Variants in LOC128462377 observed in about 807,000 individuals in gnomAD.
chr16:89,401,729 C>T, the LOC128462377 span, among the ~76,000 whole-genome samples: 2 of 152,154 alleles, frequency 1.3e-5, no homozygotes, highest in African/African-American at 2.4e-5. Context: ...TGGGCCCTCA[C>T]CCCACAGAAC....
the LOC128462377 span, among the ~76,000 whole-genome samples, chr16:89,389,283 C>A: frequency 6.6e-6 from 1 of 152,038 alleles, no homozygotes; most frequent in African/African-American, 2.4e-5. Flanking sequence ...CCTTGGCTTC[C>A]TACAGTGCTG....
At chr16:89,349,393 T>A in the LOC128462377 span, among the ~76,000 whole-genome samples, 30 of 151,798 alleles carry the variant, frequency 2.0e-4, no homozygotes, top group Admixed American at 7.2e-4. Context: ...GGCAGGAGAA[T>A]GGCGTGAACC....
At chr16:89,370,049 A>C in the LOC128462377 span, among the ~76,000 whole-genome samples, 1 of 152,202 alleles carries the variant, frequency 6.6e-6, no homozygotes, top group Non-Finnish European at 1.5e-5. Context: ...CGAGAACGCA[A>C]ACCTTCTGGC....
chr16:89,344,447 C>G, the LOC128462377 span, among the ~76,000 whole-genome samples: 1 of 152,212 alleles, frequency 6.6e-6, no homozygotes, highest in African/African-American at 2.4e-5. Context: ...GCTGTCCACA[C>G]ACTCCTAGAA....
chr16:89,404,452 A>C, the LOC128462377 span, among the ~76,000 whole-genome samples: 1 of 152,214 alleles, frequency 6.6e-6, no homozygotes, highest in Non-Finnish European at 1.5e-5. Context: ...CTCTGCTTTT[A>C]AAGGATTAAT....
the LOC128462377 span, among the ~76,000 whole-genome samples, chr16:89,405,802 G>A: frequency 1.3e-5 from 2 of 151,972 alleles, no homozygotes; most frequent in Non-Finnish European, 2.9e-5. Context: ...TTCCCCCAGC[G>A]CTCCTCACAA....
At chr16:89,351,041 C>T in the LOC128462377 span, among the ~76,000 whole-genome samples, 1 of 152,204 alleles carries the variant, frequency 6.6e-6, no homozygotes, top group South Asian at 2.1e-4. Flanking sequence ...ACGCATTTCT[C>T]AGGATGCATC....
chr16:89,343,953 C>G, the LOC128462377 span: 1 of 152,244 alleles, frequency 6.6e-6, no homozygotes, highest in Non-Finnish European at 1.5e-5. Flanking sequence ...ATCCACCCAC[C>G]CACACTCACG....
the LOC128462377 span, among the ~76,000 whole-genome samples, chr16:89,399,423 G>A: frequency 6.6e-6 from 1 of 152,158 alleles, no homozygotes; most frequent in African/African-American, 2.4e-5. Context: ...ACTACACGCT[G>A]TACGGTTCCG....
At chr16:89,334,294 C>A in the LOC128462377 span, among the ~76,000 whole-genome samples, 1 of 152,154 alleles carries the variant, frequency 6.6e-6, no homozygotes, top group East Asian at 1.9e-4. Flanking sequence ...GGGAGTCAAC[C>A]CCCAGTGAGT....
At chr16:89,347,607 TAAA>T in the LOC128462377 span, among the ~76,000 whole-genome samples, 2 of 127,344 alleles carry the variant, frequency 1.6e-5, no homozygotes, top group African/African-American at 3.0e-5. Flanking sequence ...CGAGACTCCG[TAAA>T]AAAAAAAAAA....
the LOC128462377 span, among the ~76,000 whole-genome samples, chr16:89,379,725 G>A: frequency 2.6e-5 from 4 of 152,236 alleles, no homozygotes; most frequent in African/African-American, 9.7e-5. Context: ...ACGGATTTGC[G>A]AAGAACGTGT....
At chr16:89,405,427 G>A in the LOC128462377 span, among the ~76,000 whole-genome samples, 8 of 151,506 alleles carry the variant, frequency 5.3e-5, 1 homozygote, top group Admixed American at 3.9e-4. Context: ...GGGCTCAGGC[G>A]ATCCTCCCAC....
At chr16:89,414,709 G>A in the LOC128462377 span, among the ~76,000 whole-genome samples, 12 of 152,166 alleles carry the variant, frequency 7.9e-5, no homozygotes, top group Non-Finnish European at 1.3e-4. Flanking sequence ...AGGCTGTCGG[G>A]GACCCTATGT....
chr16:89,389,001 C>T, the LOC128462377 span, among the ~76,000 whole-genome samples: 2 of 152,144 alleles, frequency 1.3e-5, no homozygotes, highest in South Asian at 4.1e-4. Context: ...TTCACAATGT[C>T]CAGCATCCCA....
At chr16:89,372,450 G>T in the LOC128462377 span, among the ~76,000 whole-genome samples, 25 of 152,186 alleles carry the variant, frequency 1.6e-4, no homozygotes, top group African/African-American at 5.8e-4. Context: ...GCGGCTCAGG[G>T]CACCAGCTGC....
the LOC128462377 span, among the ~76,000 whole-genome samples, chr16:89,402,681 G>T: frequency 6.7e-6 from 1 of 150,002 alleles, no homozygotes; most frequent in Admixed American, 6.7e-5. Context: ...GTGGTTCTGC[G>T]GGAGGAGGTG....
chr16:89,402,265 C>T, the LOC128462377 span, among the ~76,000 whole-genome samples: 15 of 152,140 alleles, frequency 9.9e-5, no homozygotes, highest in African/African-American at 3.6e-4. Context: ...ACGTGACGTA[C>T]GCCAGTTCTT....
At chr16:89,403,274 C>T in the LOC128462377 span, among the ~76,000 whole-genome samples, 2 of 152,194 alleles carry the variant, frequency 1.3e-5, no homozygotes, top group African/African-American at 4.8e-5. Flanking sequence ...ACACCAGCCA[C>T]GCACATGTTG....
Sources: allele counts gnomAD v4.1 joint callset (sites outside exome capture counted in the v4.1 genomes callset), GRCh38; gene constraint gnomAD v4.1.1; transcripts MANE v1.5.